OSBPL9: variants seen among roughly 807,000 people sequenced by gnomAD.
OSBPL9 encodes the protein oxysterol-binding protein-related protein 9.
Under a neutral mutation model 106.6 loss-of-function variants are expected in OSBPL9, and 40 were observed. The ratio of observed to expected loss-of-function variants is 0.38; its 90% confidence interval spans 0.29 to 0.49. OSBPL9 has a LOEUF of 0.49. Among genes scored for constraint, OSBPL9 ranks in the 20% least tolerant of loss-of-function variants. OSBPL9 has a pLI of 0.97. For synonymous variants in OSBPL9, 269 were observed against 295.4 expected (o/e 0.91, Z 0.92); for missense variants, 609 against 887.2 (o/e 0.69, Z 3.98).
chr1:51,629,016 G>A (rs1170421388), intron 1 of OSBPL9, among the ~76,000 whole-genome samples: 1 of 152,050 alleles, frequency 6.6e-6, no homozygotes, highest in African/African-American at 2.4e-5. Flanking sequence ...CTTTTCTTCT[G>A]TTCCTTTGAA....
rs375401371 is a variant in OSBPL9, at chr1:51,753,870, C to CATTG, written c.544-2449_544-2446dup. Among the ~76,000 whole-genome samples, 353 of 152,294 alleles carry CATTG rather than the reference C, an allele frequency of 2.3e-3. 1 individual carries two copies. The highest frequency in any genetic ancestry group is 8.1e-3 in the African/African-American group (338 of 41,558). On this transcript the variant is annotated intron_variant, in intron 8 of 23. Transcript: ENST00000428468. ...CTGATTCCTGGCTCCCATCCCTAGA[C>CATTG]ATTGTGTTATAATTCTGTTGTGTGG...
At chr1:51,618,317 C>T (rs959628358) in intron 1 of OSBPL9, among the ~76,000 whole-genome samples, 2 of 152,158 alleles carry the variant, frequency 1.3e-5, no homozygotes, top group African/African-American at 4.8e-5. Flanking sequence ...CCGCGTCCGG[C>T]CTTGAATCTT....
chr1:51,552,174 A>C, the OSBPL9 span, among the ~76,000 whole-genome samples: 1 of 152,314 alleles, frequency 6.6e-6, no homozygotes, highest in Non-Finnish European at 1.5e-5. Flanking sequence ...TCTGAGGTTC[A>C]GACTTCCTTA....
intron 5 of OSBPL9, 48 bp downstream of exon 5, chr1:51,745,679 C>A: frequency 7.0e-7 from 1 of 1,426,844 alleles, no homozygotes; most frequent in Non-Finnish European, 9.1e-7. Flanking sequence ...GAAAATGTTA[C>A]TGAGCTTGAT....
intron 4 of OSBPL9, among the ~76,000 whole-genome samples, chr1:51,722,162 A>AATAAATAGATAG (rs10633295): frequency 6.8e-6 from 1 of 147,074 alleles, no homozygotes; most frequent in East Asian, 2.0e-4. Context: ...CTCTAAAATA[A>AATAAATAGATAG]ATAGATAGAT....
At chr1:51,705,412 T>A (rs1456961075) in intron 3 of OSBPL9, among the ~76,000 whole-genome samples, 1,119 of 107,724 alleles carry the variant, frequency 0.01, 4 homozygotes, top group Non-Finnish European at 0.016. Flanking sequence ...TTTTTTTTTT[T>A]TTTTTTTTTT....
chr1:51,778,655 G>T (rs1384176514), intron 15 of OSBPL9, among the ~76,000 whole-genome samples: 1 of 152,062 alleles, frequency 6.6e-6, no homozygotes, highest in Non-Finnish European at 1.5e-5. Context: ...TGACTAAAAA[G>T]AGAAATAGCC....
At chr1:51,675,541 T>G (rs868856047) in intron 3 of OSBPL9, among the ~76,000 whole-genome samples, 18 of 152,214 alleles carry the variant, frequency 1.2e-4, no homozygotes, top group Middle Eastern at 3.4e-3. Context: ...TTGAGTGTTA[T>G]CCTTCTGGAA....
the OSBPL9 span, among the ~76,000 whole-genome samples, chr1:51,530,697 T>TA: frequency 2.2e-4 from 32 of 144,608 alleles, no homozygotes; most frequent in Admixed American, 1.1e-3. Flanking sequence ...ACCCTGTCTG[T>TA]AAAAAAAATT....
intron 2 of OSBPL9, among the ~76,000 whole-genome samples, chr1:51,609,717 A>G (rs1289435382): frequency 6.6e-6 from 1 of 150,894 alleles, no homozygotes; most frequent in African/African-American, 2.4e-5. Flanking sequence ...TGAGCTCCAA[A>G]TTAGGATATC....
In OSBPL9 at chr1:51,786,687, T is replaced by C; in HGVS notation, c.2000+70T>C. The C allele has an allele frequency of 1.5e-6, 2 of 1,314,062 alleles. 1 individual carries two copies. The highest frequency in any genetic ancestry group is 2.4e-5 in the South Asian group (2 of 81,792). 81.4% of individuals were successfully genotyped at this position (1,314,062 alleles called of 1,614,324 possible). The stretch of plus-strand genomic sequence containing the variant: ...CTTTGCCTAGGCGTAGGCACAGGGC[T>C]GGGTTTGAGAGACAGTAGGGCAGAG... On this transcript the variant is annotated intron_variant, in intron 22 of 23. Transcript: ENST00000428468.
chr1:51,645,759 C>T (rs1286274329), intron 1 of OSBPL9, among the ~76,000 whole-genome samples: 1 of 151,910 alleles, frequency 6.6e-6, no homozygotes, highest in Non-Finnish European at 1.5e-5. Flanking sequence ...AATAGTTTTA[C>T]CCTTTAAATT....
At chr1:51,655,573 T>C (rs1286189959) in intron 2 of OSBPL9, among the ~76,000 whole-genome samples, 3 of 152,180 alleles carry the variant, frequency 2.0e-5, no homozygotes, top group Non-Finnish European at 4.4e-5. Context: ...TGTAACATAA[T>C]TACTCCTGCG....
At chr1:51,535,325 T>C in the OSBPL9 span, among the ~76,000 whole-genome samples, 4 of 152,140 alleles carry the variant, frequency 2.6e-5, no homozygotes, top group Non-Finnish European at 5.9e-5. Flanking sequence ...GGAAAGGCCC[T>C]TACAGGATGT....
Position 51,789,076 on chromosome 1 carries a change from T to A in OSBPL9, c.*1287T>A. 5.5e-6 allele frequency: 4 copies of A among 723,780 alleles called. No homozygotes were observed. The highest frequency in any genetic ancestry group is 9.2e-6 in the Non-Finnish European group (4 of 435,858). The allele number at this position is 723,780 out of a possible 1,614,324, so 44.8% of individuals were successfully genotyped here. ...GCCAGCTCCTACAGTAACCCTGGGT[T>A]TATTAGTCTCAACAAAGGATAAAAA... On this transcript the variant is annotated 3_prime_UTR_variant, in exon 24 of 24. Transcript: ENST00000428468.
rs772099758 is a variant in OSBPL9 at position 51,745,545 on chromosome 1, T to A, written c.328T>A (p.Ser110Thr). 6.2e-7 allele frequency: 1 copy of A among 1,611,628 alleles called. No individual in the cohort carries two copies. The highest frequency in any genetic ancestry group is 8.5e-7 in the Non-Finnish European group (1 of 1,178,944). ...RHTLQLQGLD[S>T]GFVPSVQDFD... ...AATTCTCTTTCTCTAGGGTTTGGAT[T>A]CAGGATTTGTTCCTAGTGTCCAAGA... The change falls in exon 5 of 24, where the codon TCA (serine) becomes ACA (threonine). Residue 110 changes from serine (S) to threonine (T), a missense_variant. By Grantham distance (58) the Ser-to-Thr change is moderately conservative. This residue lies in a region of OSBPL9 where 72 missense variants were observed against 140.5 expected (regional missense o/e 0.51). Transcript: ENST00000428468.
At chr1:51,747,406 C>A (rs1043169163) in intron 6 of OSBPL9, among the ~76,000 whole-genome samples, 1 of 152,130 alleles carries the variant, frequency 6.6e-6, no homozygotes, top group Admixed American at 6.5e-5. Context: ...CAAGAATGTT[C>A]AGAATAAATA....
chr1:51,642,643 G>A (rs537883325), intron 1 of OSBPL9, among the ~76,000 whole-genome samples: 1 of 152,294 alleles, frequency 6.6e-6, no homozygotes, highest in African/African-American at 2.4e-5. Flanking sequence ...CTTAGGAAAG[G>A]TAATAAGCCT....
At chr1:51,552,805 A>G in the OSBPL9 span, among the ~76,000 whole-genome samples, 433 of 152,010 alleles carry the variant, frequency 2.8e-3, 2 homozygotes, top group African/African-American at 0.01. Flanking sequence ...TTTTATTTTT[A>G]GTAGAGGTGG....
Sources: gnomAD v4.1 joint callset for allele counts (sites outside exome capture counted in the v4.1 genomes callset) on GRCh38, gnomAD v4.1.1 for gene constraint, gnomAD v4.1.1 regional missense constraint, MANE v1.5 for transcripts, NCBI Gene and HGNC (gene_info 2026-07-23, HGNC 2026-07-21) for gene names.